ZNF345: variants seen among roughly 807,000 people sequenced by gnomAD.
ZNF345 encodes the protein zinc finger protein HZF10.
For missense variants in ZNF345, 527 were observed against 589.9 expected, an observed-to-expected ratio of 0.89 and a Z score of 1.10; for synonymous variants, 166 against 187.9, an observed-to-expected ratio of 0.88 and a Z score of 0.95.
At position 36,877,059 on chromosome 19, in the gene ZNF345, C is replaced by G. The variant is rs2072895459; in HGVS notation, c.229C>G (p.Leu77Val). 6.2e-7 allele frequency: 1 copy of G among 1,614,006 alleles called. No individual in the cohort carries two copies. The highest frequency in any genetic ancestry group is 1.7e-5 in the Admixed American group (1 of 60,000). Residue 77 changes from leucine (L) to valine (V), a missense_variant, in exon 3 of 3, where the codon CTT becomes GTT. By Grantham distance (32) the Leu-to-Val change is conservative. Transcript: ENST00000420450. ...GAAGGATTTTAGTTTTGTATCAGTC[C>G]TTGTTCGACATCAGCGAATTCATAC... ...CGKDFSFVSV[L>V]VRHQRIHTGE...
chr19:36,884,729 C>T (rs967152742), intron 3 of ZNF345, among the ~76,000 whole-genome samples: 20 of 152,146 alleles, frequency 1.3e-4, no homozygotes, highest in Admixed American at 7.2e-4. Context: ...GTTATACTGT[C>T]GGGTGGCCAT....
In ZNF345 at chr19:36,874,194, CT is replaced by C. The variant is rs573630432; in HGVS notation, c.-46-2588del. Among the ~76,000 whole-genome samples the C allele has an allele frequency of 4.3e-4, 66 of 152,244 alleles. No homozygotes were observed. In the South Asian group the frequency reaches 8.1e-3, roughly 19 times the overall value. ...TTGATTGGTCATTGTTTATCTTACA[CT>C]TTCAACTTAAAATGTTGGCTGGGCA... On this transcript the variant is annotated intron_variant, in intron 2 of 2. Transcript: ENST00000420450.
At chr19:36,856,754 G>A (rs949668377) in intron 2 of ZNF345, among the ~76,000 whole-genome samples, 4 of 151,850 alleles carry the variant, frequency 2.6e-5, no homozygotes, top group African/African-American at 7.3e-5. Flanking sequence ...TACCTGGGAG[G>A]CAGGAGAATC....
At chr19:36,861,980 C>A (rs1415019648) in intron 2 of ZNF345, among the ~76,000 whole-genome samples, 1 of 151,774 alleles carries the variant, frequency 6.6e-6, no homozygotes, top group Non-Finnish European at 1.5e-5. Context: ...TCTGCCTCAG[C>A]TTCCTGAGTA....
At chr19:36,857,181 T>C (rs1459112030) in intron 2 of ZNF345, among the ~76,000 whole-genome samples, 1 of 152,172 alleles carries the variant, frequency 6.6e-6, no homozygotes, top group Non-Finnish European at 1.5e-5. Context: ...ATAGTTTGCT[T>C]ACAAATTATT....
At chr19:36,857,413 T>C (rs901264522) in intron 2 of ZNF345, among the ~76,000 whole-genome samples, 44 of 152,088 alleles carry the variant, frequency 2.9e-4, no homozygotes, top group Non-Finnish European at 5.3e-4. Context: ...TTCACGCCAT[T>C]CTCCTGCCTC....
At chr19:36,860,712 A>G (rs1381796364) in intron 2 of ZNF345, among the ~76,000 whole-genome samples, 1 of 152,142 alleles carries the variant, frequency 6.6e-6, no homozygotes, top group Non-Finnish European at 1.5e-5. Flanking sequence ...GATTTATTCC[A>G]TTTCTGGAGA....
intron 2 of ZNF345, among the ~76,000 whole-genome samples, chr19:36,874,436 GTGA>G: frequency 6.6e-6 from 1 of 150,742 alleles, no homozygotes; most frequent in Admixed American, 6.6e-5. Context: ...AGAGGTTGCA[GTGA>G]GCTGAGATTG....
chr19:36,888,519 A>G (rs536781798), intron 3 of ZNF345: 4 of 152,312 alleles, frequency 2.6e-5, no homozygotes, highest in Admixed American at 6.5e-5. Flanking sequence ...ACTTATTAGC[A>G]TAATGCCCCC....
chr19:36,852,118 T>G (rs1265936440), intron 2 of ZNF345, among the ~76,000 whole-genome samples: 1 of 134,084 alleles, frequency 7.5e-6, no homozygotes, highest in African/African-American at 3.1e-5. Flanking sequence ...TCTTTTTTTT[T>G]TCTTTCTTTC....
At chr19:36,855,301 C>T (rs1375181852) in intron 2 of ZNF345, among the ~76,000 whole-genome samples, 2 of 151,858 alleles carry the variant, frequency 1.3e-5, no homozygotes, top group Non-Finnish European at 2.9e-5. Flanking sequence ...CGCCACCACG[C>T]CCAGCTAATG....
rs1447596225 is a variant in ZNF345, at chr19:36,854,860, T to C, written c.-47+2956T>C. Reference sequence around the variant, plus strand: ...GATTTCTTTTTTTTCTTTTCTTTTCTTTTTTTTTTTTTGGATGGAGTCTCT... The same window carrying C: ...GATTTCTTTTTTTTCTTTTCTTTTCCTTTTTTTTTTTTGGATGGAGTCTCT... On this transcript the variant is annotated intron_variant, in intron 2 of 2. Transcript: ENST00000420450. 4.5e-5 allele frequency among the ~76,000 whole-genome samples: 6 copies of C among 133,772 alleles called. No homozygotes were observed. The Admixed American group carries it at 4.6e-4, about 10-fold the overall frequency. The allele number at this position is 133,772 out of a possible 152,430, so 87.8% of individuals were successfully genotyped here. A position where few individuals can be genotyped will look rare whatever the true frequency, so the allele number is the denominator to read the frequency against.
intron 2 of ZNF345, among the ~76,000 whole-genome samples, chr19:36,860,085 G>A (rs2072515520): frequency 6.6e-6 from 1 of 151,972 alleles, no homozygotes; most frequent in Non-Finnish European, 1.5e-5. Flanking sequence ...AGCCTCCCGA[G>A]TAGCTGGAAC....
At chr19:36,892,088 T>C (rs1331609410) in intron 3 of ZNF345, 7 of 1,614,122 alleles carry the variant, frequency 4.3e-6, no homozygotes, top group Non-Finnish European at 5.1e-6. Context: ...TTCTCACCAG[T>C]GTGAATCCTC....
At chr19:36,885,988 T>C (rs2072993978) in intron 3 of ZNF345, among the ~76,000 whole-genome samples, 1 of 152,224 alleles carries the variant, frequency 6.6e-6, no homozygotes, top group Non-Finnish European at 1.5e-5. Flanking sequence ...CTAATTTGTC[T>C]GTTTGTGTAG....
In ZNF345 at chr19:36,892,552, C is replaced by T. The variant is rs2073068325; in HGVS notation, c.47-266C>T. 3 of 1,377,808 alleles carry T rather than the reference C, an allele frequency of 2.2e-6. No individual in the cohort carries two copies. The South Asian group carries it at 4.3e-5, about 20-fold the overall frequency. The allele number at this position is 1,377,808 out of a possible 1,614,324, so 85.3% of individuals were successfully genotyped here. ...CTAAAAAAGAAATGGGAGAATTAAA[C>T]TGAAAAGAATATCTGAGAAATTACA... On this transcript the variant is annotated intron_variant, in intron 3 of 3. Transcript: ENST00000526123.
downstream of ZNF345, among the ~76,000 whole-genome samples, chr19:36,882,784 T>C (rs563035617): frequency 2.4e-4 from 37 of 152,250 alleles, no homozygotes; most frequent in South Asian, 7.5e-3. Context: ...CAAATATACG[T>C]TAGGTTTTTA....
chr19:36,858,479 C>T (rs2072471518), intron 2 of ZNF345: 1 of 152,072 alleles, frequency 6.6e-6, no homozygotes, highest in Non-Finnish European at 1.5e-5. Context: ...AAAAACTACC[C>T]AAGAGGCAGG....
chr19:36,888,814 C>G (rs1338716672), intron 3 of ZNF345: 1 of 152,176 alleles, frequency 6.6e-6, no homozygotes, highest in Admixed American at 6.6e-5. Context: ...GCTCTGTTGC[C>G]CAGGCTGGAG....
Sources: gnomAD v4.1 joint callset for allele counts (sites outside exome capture counted in the v4.1 genomes callset) on GRCh38, gnomAD v4.1.1 for gene constraint, MANE v1.5 for transcripts, NCBI Gene and HGNC (gene_info 2026-07-23, HGNC 2026-07-21) for gene names.